The following ZHX2 variants were observed in gnomAD, a reference collection of about 807,000 sequenced individuals.
ZHX2 encodes zinc fingers and homeoboxes 2.
A neutral mutation model predicts 21.9 loss-of-function variants in ZHX2; 6 were observed. That is an observed-to-expected ratio of 0.27 (90% confidence interval 0.15 to 0.54). ZHX2 has a LOEUF of 0.54. ZHX2 is among the 20% of genes least tolerant of loss of function. The pLI is 0.95. For synonymous variants in ZHX2, 434 were observed against 437.1 expected (o/e 0.99, Z 0.09); for missense variants, 908 against 1,090.7 (o/e 0.83, Z 2.36).
At chr8:122,839,481 G>A (rs1818576233) in intron 1 of ZHX2, among the ~76,000 whole-genome samples, 1 of 152,192 alleles carries the variant, frequency 6.6e-6, no homozygotes, top group Middle Eastern at 3.4e-3. Flanking sequence ...GGTCCTCCCT[G>A]TTTTTTACCT....
intron 2 of ZHX2, among the ~76,000 whole-genome samples, chr8:122,864,793 G>A (rs1819246227): frequency 6.6e-6 from 1 of 152,166 alleles, no homozygotes; most frequent in South Asian, 2.1e-4. Flanking sequence ...GAGAAAAATT[G>A]CACTCCAGAC....
intron 2 of ZHX2, among the ~76,000 whole-genome samples, chr8:122,944,467 G>A (rs1037624329): frequency 3.3e-5 from 5 of 151,958 alleles, no homozygotes; most frequent in African/African-American, 7.3e-5. Context: ...TCTCTGTTTC[G>A]TAAACTCTTT....
chr8:122,929,067 C>G (rs1820921313), intron 2 of ZHX2, among the ~76,000 whole-genome samples: 1 of 152,150 alleles, frequency 6.6e-6, no homozygotes, highest in Admixed American at 6.5e-5. Context: ...GTGTTAGTTT[C>G]TATTATTTCC....
chr8:122,816,079 C>CAAAAAA (rs71310626), intron 1 of ZHX2, among the ~76,000 whole-genome samples: 7 of 90,260 alleles, frequency 7.8e-5, no homozygotes, highest in Admixed American at 2.6e-4. Context: ...GACTCCGTCT[C>CAAAAAA]AAAAAAAAAA....
intron 1 of ZHX2, among the ~76,000 whole-genome samples, chr8:122,837,989 C>T (rs1434939944): frequency 6.6e-6 from 1 of 152,184 alleles, no homozygotes; most frequent in Non-Finnish European, 1.5e-5. Flanking sequence ...CAGAGGCCAC[C>T]CGCTTAGGGG....
chr8:122,903,812 G>A (rs1646476801), intron 2 of ZHX2, among the ~76,000 whole-genome samples: 1 of 152,148 alleles, frequency 6.6e-6, no homozygotes, highest in South Asian at 2.1e-4. Context: ...GAGAGAAAAT[G>A]GGAATGGTTA....
intron 2 of ZHX2, among the ~76,000 whole-genome samples, chr8:122,869,292 C>T (rs1235600047): frequency 6.6e-6 from 1 of 152,052 alleles, no homozygotes; most frequent in African/African-American, 2.4e-5. Context: ...AGTGTGGCTG[C>T]CCTGTGGTGT....
At chr8:122,812,560 G>C (rs1817953783) in intron 1 of ZHX2, among the ~76,000 whole-genome samples, 1 of 152,140 alleles carries the variant, frequency 6.6e-6, no homozygotes. Flanking sequence ...CTCTGCTCCA[G>C]AAATGAACTT....
intron 3 of ZHX2, among the ~76,000 whole-genome samples, chr8:122,959,649 G>C (rs1813392860): frequency 1.3e-5 from 2 of 152,094 alleles, no homozygotes; most frequent in South Asian, 4.1e-4. Flanking sequence ...TCACTCATTA[G>C]CTCCAATGGT....
At chr8:122,873,106 G>T (rs962325818) in intron 2 of ZHX2, among the ~76,000 whole-genome samples, 1 of 152,228 alleles carries the variant, frequency 6.6e-6, no homozygotes, top group African/African-American at 2.4e-5. Context: ...AAGAATGGGT[G>T]GTGAGGAAAT....
chr8:122,782,886 C>T lies in ZHX2; in HGVS notation c.-283+940C>T, dbSNP rs1817321079. Among the ~76,000 whole-genome samples, 1 of 152,254 alleles carries T rather than the reference C, an allele frequency of 6.6e-6. No individual in the cohort carries two copies. Among genetic ancestry groups the T allele is most frequent in the African/African-American group, 2.4e-5 (1 of 41,480 alleles). ...AGGTTAATCTTTGTTGGTGTTGCAG[C>T]TTCTTTGTGGCTTCCCCAGGACTTG... On this transcript the variant is annotated intron_variant, in intron 1 of 3. Transcript: ENST00000314393. This position sits in a 1 kb window ranked among gnomAD's most constrained non-coding sequence, Gnocchi z 5.3.
chr8:122,891,600 C>T (rs919505505), intron 2 of ZHX2, among the ~76,000 whole-genome samples: 3 of 152,006 alleles, frequency 2.0e-5, no homozygotes, highest in African/African-American at 7.2e-5. Context: ...TTTGCTGTAT[C>T]CCATAGGTTT....
intron 2 of ZHX2, among the ~76,000 whole-genome samples, chr8:122,925,415 C>G (rs1303766215): frequency 6.6e-6 from 1 of 152,172 alleles, no homozygotes; most frequent in Non-Finnish European, 1.5e-5. Flanking sequence ...ATGAACAGCA[C>G]CAGGTTCTTG....
intron 3 of ZHX2, among the ~76,000 whole-genome samples, chr8:122,968,872 A>G (rs1035246042): frequency 2.0e-5 from 3 of 151,846 alleles, no homozygotes; most frequent in Non-Finnish European, 4.4e-5. Flanking sequence ...AAATATTATG[A>G]AGCAGACCAG....
chr8:122,882,622 G>C (rs1439512408), intron 2 of ZHX2, among the ~76,000 whole-genome samples: 1 of 152,070 alleles, frequency 6.6e-6, no homozygotes, highest in African/African-American at 2.4e-5. Flanking sequence ...TGAGTGGTCT[G>C]CTCACTCCCA....
Position 122,859,859 on chromosome 8 carries a change from A to C in ZHX2, c.-282-3618A>C, listed in dbSNP as rs1586334315. 3.9e-5 allele frequency among the ~76,000 whole-genome samples: 6 copies of C among 152,346 alleles called. No individual in the cohort carries two copies. The Middle Eastern group carries it at 0.01, about 259-fold the overall frequency. ...TGGTGCATAGCACAGAATCAGATATATATGGGTACCCAATGAATTATTGTT... is the reference window on the plus strand; with the variant it reads ...TGGTGCATAGCACAGAATCAGATATCTATGGGTACCCAATGAATTATTGTT... On this transcript the variant is annotated intron_variant, in intron 1 of 3. Transcript: ENST00000314393.
chr8:122,952,310 A>G lies in ZHX2; in HGVS notation c.800A>G (p.Tyr267Cys). Residue 267 changes from tyrosine to cysteine, a missense_variant, in exon 3 of 4, where the codon TAC becomes TGC. Transcript: ENST00000314393. The surrounding 1 kb of genome is among the most constrained non-coding windows in gnomAD (Gnocchi z 6.9). Reference sequence around the variant, plus strand: ...CCTGTCCCACTAAATACTACCAAATACAACTCTGCCCTGGATACAAATGCC... The same window carrying G: ...CCTGTCCCACTAAATACTACCAAATGCAACTCTGCCCTGGATACAAATGCC... ...KVPVPLNTTK[Y>C]NSALDTNATM... 6.2e-7 allele frequency: 1 copy of G among 1,614,050 alleles called. No individual in the cohort carries two copies. Among genetic ancestry groups the G allele is most frequent in the Non-Finnish European group, 8.5e-7 (1 of 1,179,992 alleles).
intron 1 of ZHX2, among the ~76,000 whole-genome samples, chr8:122,834,809 C>T (rs899831835): frequency 6.6e-6 from 1 of 152,086 alleles, no homozygotes; most frequent in Admixed American, 6.6e-5. Context: ...TTCATTAGGA[C>T]CTTGGGTGAT....
chr8:122,816,284 A>G (rs1818033409), intron 1 of ZHX2: 1 of 152,140 alleles, frequency 6.6e-6, no homozygotes, highest in South Asian at 2.1e-4. Context: ...GCTGTTGCTT[A>G]TTAGACTATA....
Sources: gnomAD v4.1 joint callset for allele counts (sites outside exome capture counted in the v4.1 genomes callset) on GRCh38, gnomAD v4.1.1 for gene constraint, Gnocchi (gnomAD v3.1) non-coding constraint, MANE v1.5 for transcripts, NCBI Gene and HGNC (gene_info 2026-07-23, HGNC 2026-07-21) for gene names.